Variants in MXI1 observed in about 807,000 individuals in gnomAD.
MXI1 encodes the protein max-interacting protein 1.
A neutral mutation model predicts 36.9 loss-of-function variants in MXI1; 18 were observed. The observed-to-expected ratio is 0.49, with a 90% CI of 0.34 to 0.72. The LOEUF (loss-of-function observed/expected upper bound fraction) is 0.72, where lower values mean the gene tolerates loss of function less well. Among genes scored for constraint, MXI1 ranks in the 30% least tolerant of loss-of-function variants. The pLI is 0.01. For synonymous variants in MXI1, 160 were observed against 146.7 expected, an observed-to-expected ratio of 1.09 and a Z score of -0.65; for missense variants, 304 against 379.1, an observed-to-expected ratio of 0.80 and a Z score of 1.64.
intron 2 of MXI1, among the ~76,000 whole-genome samples, chr10:110,237,571 A>C (rs1047130961): frequency 6.6e-6 from 1 of 152,132 alleles, no homozygotes; most frequent in African/African-American, 2.4e-5. Context: ...TGCAGTACTG[A>C]TACTAACAAC....
chr10:110,224,746 C>G (rs1854912525), intron 1 of MXI1, among the ~76,000 whole-genome samples: 1 of 150,902 alleles, frequency 6.6e-6, no homozygotes, highest in Admixed American at 6.6e-5. Context: ...CTCCCGGGTT[C>G]AAGCGATTCT....
chr10:110,260,258 T>C (rs1181682207), intron 3 of MXI1, among the ~76,000 whole-genome samples: 2 of 152,034 alleles, frequency 1.3e-5, no homozygotes, highest in Non-Finnish European at 2.9e-5. Flanking sequence ...GAGTCTTGCT[T>C]TTCTTGGCTA....
At chr10:110,239,829 C>T (rs768233604) in intron 2 of MXI1, among the ~76,000 whole-genome samples, 4 of 152,012 alleles carry the variant, frequency 2.6e-5, no homozygotes, top group African/African-American at 4.8e-5. Context: ...ATCCTGTGTA[C>T]AGCTCAATGA....
intron 3 of MXI1, among the ~76,000 whole-genome samples, chr10:110,278,057 T>C (rs1341222202): frequency 1.3e-5 from 2 of 152,242 alleles, no homozygotes; most frequent in Non-Finnish European, 2.9e-5. Flanking sequence ...AGTTCAATTA[T>C]AGGTCTTTAA....
intron 3 of MXI1, among the ~76,000 whole-genome samples, chr10:110,274,346 C>T (rs1310899894): frequency 2.0e-5 from 3 of 152,172 alleles, no homozygotes; most frequent in African/African-American, 2.4e-5. Context: ...TTTAAAATCT[C>T]ATTTTAAAAC....
chr10:110,247,306 A>G (rs1317042158), intron 3 of MXI1, among the ~76,000 whole-genome samples: 1 of 152,052 alleles, frequency 6.6e-6, no homozygotes, highest in African/African-American at 2.4e-5. Flanking sequence ...AGATGAGTAG[A>G]TTGCAAAAAT....
At chr10:110,255,996 C>T (rs1018032147) in intron 3 of MXI1, among the ~76,000 whole-genome samples, 20 of 152,068 alleles carry the variant, frequency 1.3e-4, no homozygotes, top group Admixed American at 1.2e-3. Flanking sequence ...TAGAGTTGAG[C>T]GTGTAGAAAT....
At chr10:110,271,085 A>G (rs764588969) in intron 3 of MXI1, among the ~76,000 whole-genome samples, 8 of 142,956 alleles carry the variant, frequency 5.6e-5, no homozygotes, top group Non-Finnish European at 1.2e-4. Flanking sequence ...GAGTGAAACT[A>G]CGTCTCAAAA....
chr10:110,255,706 G>A (rs1856262157), intron 3 of MXI1, among the ~76,000 whole-genome samples: 1 of 152,148 alleles, frequency 6.6e-6, no homozygotes, highest in South Asian at 2.1e-4. Context: ...TGTGCTCATG[G>A]ATTGGAAGAC....
At chr10:110,223,496 C>T (rs1293436313) in intron 1 of MXI1, among the ~76,000 whole-genome samples, 3 of 151,826 alleles carry the variant, frequency 2.0e-5, no homozygotes, top group Non-Finnish European at 2.9e-5. Flanking sequence ...CAGGAGAACC[C>T]GGGAGGTGGA....
chr10:110,247,447 A>G (rs965690143), intron 3 of MXI1, among the ~76,000 whole-genome samples: 25 of 152,186 alleles, frequency 1.6e-4, no homozygotes, highest in African/African-American at 5.3e-4. Context: ...TGTTTTAGAC[A>G]TGAAGTCCTT....
chr10:110,228,024 G>A, intron 1 of MXI1, 165 bp from the exon 2 acceptor site: 1 of 697,008 alleles, frequency 1.4e-6, no homozygotes, highest in Non-Finnish European at 2.4e-6. Context: ...TCACAGGATT[G>A]ATGTCCAGGC....
At chr10:110,242,714 C>T (rs1352433451) in intron 2 of MXI1, among the ~76,000 whole-genome samples, 6 of 151,904 alleles carry the variant, frequency 3.9e-5, no homozygotes, top group Admixed American at 1.3e-4. Flanking sequence ...TCTTTTGGAG[C>T]TAGCTTTGAT....
chr10:110,283,879 CAA>C (rs199884732), intron 5 of MXI1, among the ~76,000 whole-genome samples: 7,648 of 151,860 alleles, frequency 0.05, 283 homozygotes, highest in Middle Eastern at 0.15. Flanking sequence ...CTCCTGGGCT[CAA>C]GAGTGATCCT....
At chr10:110,272,465 A>G (rs1856885792) in intron 3 of MXI1, among the ~76,000 whole-genome samples, 1 of 152,174 alleles carries the variant, frequency 6.6e-6, no homozygotes, top group Admixed American at 6.5e-5. Flanking sequence ...TGACTTCTGG[A>G]AAGGATAGTA....
chr10:110,244,858 G>A lies in MXI1; in HGVS notation c.437+1G>A, dbSNP rs151195850. On this transcript the variant is annotated splice_donor_variant, in intron 3 of 5. Transcript: ENST00000332674. LOFTEE classifies it high-confidence loss of function. The stretch of plus-strand genomic sequence containing the variant: ...CACACAATGAGCTGGAAAAGAATCG[G>A]TGAGTCAGTGATGAGGTACAGCTTT... 1.2e-6 allele frequency: 2 copies of A among 1,607,204 alleles called. No homozygotes were observed. The highest frequency in any genetic ancestry group is 1.7e-5 in the Admixed American group (1 of 59,572).
intron 1 of MXI1, among the ~76,000 whole-genome samples, chr10:110,219,115 T>C (rs952105725): frequency 1.8e-4 from 28 of 151,992 alleles, no homozygotes; most frequent in African/African-American, 6.8e-4. Context: ...GCCTGGCCAA[T>C]ATGGTGAAAC....
intron 2 of MXI1, among the ~76,000 whole-genome samples, chr10:110,239,282 T>G (rs1203122793): frequency 6.6e-6 from 1 of 152,202 alleles, no homozygotes; most frequent in Non-Finnish European, 1.5e-5. Flanking sequence ...GCAAAATTGC[T>G]TACAGTTGAG....
At chr10:110,274,842 AC>A (rs1222993150) in intron 3 of MXI1, among the ~76,000 whole-genome samples, 4 of 147,988 alleles carry the variant, frequency 2.7e-5, no homozygotes. Flanking sequence ...ATCATATGAT[AC>A]TTGCAGTTTT....
Sources: allele counts gnomAD v4.1 joint callset (sites outside exome capture counted in the v4.1 genomes callset), GRCh38; gene constraint gnomAD v4.1.1; transcripts MANE v1.5; gene names NCBI Gene and HGNC (gene_info 2026-07-23, HGNC 2026-07-21).